Variants in TIMELESS observed in about 807,000 individuals in gnomAD.
TIMELESS encodes timeless circadian regulator.
Under a neutral mutation model 164.3 loss-of-function variants are expected in TIMELESS, and 124 were observed. The ratio of observed to expected loss-of-function variants is 0.75; its 90% CI spans 0.65 to 0.88. TIMELESS has a LOEUF of 0.88. Among genes scored for constraint, TIMELESS ranks in the 40% least tolerant of loss-of-function variants. TIMELESS has a pLI of 0.00. For missense variants in TIMELESS, 1,422 were observed against 1,491.4 expected (o/e 0.95, Z 0.77); for synonymous variants, 564 against 563.4 (o/e 1.00, Z -0.02).
chr12:56,423,490 G>A lies in TIMELESS; in HGVS notation c.2091-15C>T. On this transcript the variant is annotated splice_polypyrimidine_tract_variant and intron_variant, in intron 17 of 28. Coordinates refer to ENST00000553532, the MANE Select transcript of TIMELESS (RefSeq NM_003920.5). ...AACATGCAAAGCTGCACCAAAACAA[G>A]GAGGGAGAGGATGTCAGCATAAGGA... 1.2e-6 allele frequency: 2 copies of A among 1,613,976 alleles called. No homozygotes were observed. The highest frequency in any genetic ancestry group is 2.2e-5 in the East Asian group (1 of 44,892).
rs765671145 is a variant in TIMELESS, at chr12:56,418,131, T to C, written c.3454+3A>G. Reference sequence around the variant, plus strand: ...ACTCAGAAGATGGCTGTCGCACTATTACCCTCTGGGGATGCCAGGCCCGCT... The same window carrying C: ...ACTCAGAAGATGGCTGTCGCACTATCACCCTCTGGGGATGCCAGGCCCGCT... On this transcript the variant is annotated splice_donor_region_variant and intron_variant, in intron 27 of 28. Transcript: ENST00000553532. 6.2e-7 allele frequency: 1 copy of C among 1,614,172 alleles called. No individual in the cohort carries two copies.
intron 1 of TIMELESS, among the ~76,000 whole-genome samples, chr12:56,445,862 T>C (rs1868343717): frequency 6.6e-6 from 1 of 152,224 alleles, no homozygotes; most frequent in African/African-American, 2.4e-5. Context: ...GAGTAGCTCT[T>C]GCTTAGGTTA....
At chr12:56,431,895 T>C (rs532902604) in intron 7 of TIMELESS, among the ~76,000 whole-genome samples, 56 of 152,002 alleles carry the variant, frequency 3.7e-4, no homozygotes, top group Non-Finnish European at 6.2e-4. Context: ...AATGTATATA[T>C]GTGCTATATA....
rs1422733786 is a variant in TIMELESS at position 56,434,126 on chromosome 12, A to T, written c.45T>A (p.Ser15Arg). 2.5e-6 allele frequency: 4 copies of T among 1,614,108 alleles called. No individual in the cohort carries two copies. The highest frequency in any genetic ancestry group is 3.4e-6 in the Non-Finnish European group (4 of 1,180,056). Reference sequence around the variant, plus strand: ...TGTCTCCCTCCAAGTACCCAAGGGCACTACATGTGGCTAGAAGTTCACAGT... The same window carrying T: ...TGTCTCCCTCCAAGTACCCAAGGGCTCTACATGTGGCTAGAAGTTCACAGT... Reference protein sequence around the residue: ...MMNCELLATCSALGYLEGDTY... With the variant: ...MMNCELLATCRALGYLEGDTY... The change falls in exon 2 of 29, where the codon AGT (serine) becomes AGA (arginine). Residue 15 changes from serine to arginine, a missense_variant. Ser to Arg is a moderately radical substitution (Grantham distance 110). Transcript: ENST00000553532.
Position 56,428,763 on chromosome 12 carries a change from C to T in TIMELESS, c.1305-111G>A, listed in dbSNP as rs1486901201. The T allele has an allele frequency of 2.7e-6, 4 of 1,470,346 alleles. No homozygotes were observed. The African/African-American group carries it at 4.2e-5, about 15-fold the overall frequency. The allele number at this position is 1,470,346 out of a possible 1,614,324, so 91.1% of individuals were successfully genotyped here. On this transcript the variant is annotated intron_variant, in intron 11 of 28. Coordinates refer to ENST00000553532, the MANE Select transcript of TIMELESS (RefSeq NM_003920.5). ...AAATGTGCCACCCAAACTAAATTTCCCAGCCAGTCCTTGCTCCCCAGACTG... is the reference window on the plus strand; with the variant it reads ...AAATGTGCCACCCAAACTAAATTTCTCAGCCAGTCCTTGCTCCCCAGACTG...
intron 18 of TIMELESS, 61 bp downstream of exon 18, chr12:56,423,213 T>A: frequency 6.3e-7 from 1 of 1,581,384 alleles, no homozygotes; most frequent in East Asian, 2.2e-5. Flanking sequence ...TCCTGAAGAT[T>A]ATTTATTTAC....
chr12:56,429,529 T>TTGCGCTGTCATGATGAGGCTGGAG (rs1881799680), intron 10 of TIMELESS, among the ~76,000 whole-genome samples: 1 of 128,764 alleles, frequency 7.8e-6, no homozygotes, highest in Non-Finnish European at 1.6e-5. Context: ...TTTGACAGTC[T>TTGCGCTGTCATGATGAGGCTGGAG]TGCACTGTCA....
At chr12:56,432,221 A>AG in intron 7 of TIMELESS, 148 bp downstream of exon 7, 1 of 810,932 alleles carries the variant, frequency 1.2e-6, no homozygotes. Flanking sequence ...ACCATGAATA[A>AG]GGGGGTACTA....
chr12:56,431,748 A>G lies in TIMELESS; in HGVS notation c.688-144T>C, dbSNP rs72478991. ...TCGTTCTCCCTTATCTGAGGGGGAAATGTTCTAAGACACCCACTGGATGCC... is the reference window on the plus strand; with the variant it reads ...TCGTTCTCCCTTATCTGAGGGGGAAGTGTTCTAAGACACCCACTGGATGCC... On this transcript the variant is annotated intron_variant, in intron 7 of 28. Transcript: ENST00000553532. The G allele has an allele frequency of 1.8e-4, 178 of 989,378 alleles. 1 individual carries two copies. The African/African-American group carries it at 2.3e-3, about 13-fold the overall frequency. 61.3% of individuals were successfully genotyped at this position (989,378 alleles called of 1,614,324 possible). A position where few individuals can be genotyped will look rare whatever the true frequency, so the allele number is the denominator to read the frequency against.
At position 56,424,895 on chromosome 12, in the gene TIMELESS, C is replaced by G; in HGVS notation, c.1735G>C (p.Asp579His). ...GCCGCATCAAAGGGAACCACGGAGT[C>G]CATGCTGAGCTCAGAATTCTAGAGA... ...CCAQNSELSM[D>H]SVVPFDAASE... The change falls in exon 15 of 29, where the codon GAC (aspartate) becomes CAC (histidine). Residue 579 changes from aspartate to histidine, a missense_variant. By Grantham distance (81) the Asp-to-His change is moderately conservative. Coordinates refer to ENST00000553532, the MANE Select transcript of TIMELESS (RefSeq NM_003920.5). 1 of 1,614,228 alleles carries G rather than the reference C, an allele frequency of 6.2e-7. No homozygotes were observed. The highest frequency in any genetic ancestry group is 1.1e-5 in the South Asian group (1 of 91,084).
At chr12:56,433,295 G>A in intron 5 of TIMELESS, 86 bp downstream of exon 5, 1 of 1,498,448 alleles carries the variant, frequency 6.7e-7, no homozygotes, top group South Asian at 1.1e-5. Flanking sequence ...CCAAGGACTG[G>A]GACCATATCT....
intron 10 of TIMELESS, 75 bp from the exon 11 acceptor site, chr12:56,429,175 G>T: frequency 2.3e-6 from 3 of 1,315,542 alleles, no homozygotes; most frequent in Non-Finnish European, 2.1e-6. Context: ...GTCCTATGAT[G>T]ATGGAATGGA....
Position 56,428,898 on chromosome 12 carries a change from G to T in TIMELESS, c.1289C>A (p.Ala430Asp), listed in dbSNP as rs1372955443. ...TCCCACTCACCGGCGTGCCCAGGAGGCAGCTTCCTTGCGGTCAGTCAGCAT... is the reference window on the plus strand; with the variant it reads ...TCCCACTCACCGGCGTGCCCAGGAGTCAGCTTCCTTGCGGTCAGTCAGCAT... ...EMMLTDRKEA[A>D]SWARRMHLAL... The change falls in exon 11 of 29, where the codon GCC becomes GAC. Residue 430 changes from alanine to aspartate, a missense_variant. Physicochemically the swap from Ala to Asp is moderately radical, Grantham distance 126. Transcript: ENST00000553532. 6.2e-7 allele frequency: 1 copy of T among 1,613,782 alleles called. No homozygotes were observed. Among genetic ancestry groups the T allele is most frequent in the East Asian group, 2.2e-5 (1 of 44,884 alleles).
intron 1 of TIMELESS, among the ~76,000 whole-genome samples, chr12:56,443,053 G>A (rs60229360): frequency 0.074 from 11,187 of 152,156 alleles, 1,347 homozygotes; most frequent in African/African-American, 0.25. Context: ...TTTGTAAAAC[G>A]TGTGTTTGAA....
At chr12:56,431,076 G>T in intron 8 of TIMELESS, 108 bp from the exon 9 acceptor site, 1 of 732,802 alleles carries the variant, frequency 1.4e-6, no homozygotes, top group East Asian at 3.2e-5. Flanking sequence ...AATGTTGGTC[G>T]GGCACGGTGG....
chr12:56,428,459 G>A, intron 12 of TIMELESS, 54 bp from the exon 13 acceptor site: 1 of 1,607,376 alleles, frequency 6.2e-7, no homozygotes, highest in Non-Finnish European at 8.5e-7. Context: ...AGCTTGAAAA[G>A]GAGAGATGGA....
intron 13 of TIMELESS, among the ~76,000 whole-genome samples, chr12:56,427,206 T>A (rs567429104): frequency 6.6e-6 from 1 of 152,276 alleles, no homozygotes; most frequent in South Asian, 2.1e-4. Flanking sequence ...TACTGCAACC[T>A]CTGCCTCATG....
rs1334842202 is a variant in TIMELESS, at chr12:56,422,873, A to G, written c.2412T>C (p.Thr804=). 3 of 1,603,148 alleles carry G rather than the reference A, an allele frequency of 1.9e-6. No homozygotes were observed. Among genetic ancestry groups the G allele is most frequent in the Admixed American group, 3.4e-5 (2 of 59,582 alleles). Residue 804 remains threonine (T), a synonymous_variant, in exon 19 of 29, where the codon ACT becomes ACC. Transcript: ENST00000553532. ...WKNTAVVREM[T]EGYGSLDDRS... is the part of the protein sequence containing the mutation. The stretch of plus-strand genomic sequence containing the variant: ...TGTCATCCAGGGAGCCATAGCCCTC[A>G]GTCATCTCTCGAACCACAGCTGTGT...
intron 22 of TIMELESS, 81 bp from the exon 23 acceptor site, chr12:56,421,574 G>A (rs1881491565): frequency 1.9e-6 from 3 of 1,551,228 alleles, no homozygotes; most frequent in South Asian, 2.4e-5. Context: ...CTGGAAAGAG[G>A]GTACCTCAAT....
Sources: gnomAD v4.1 joint callset for allele counts (sites outside exome capture counted in the v4.1 genomes callset) on GRCh38, gnomAD v4.1.1 for gene constraint, MANE v1.5 for transcripts, NCBI Gene and HGNC (gene_info 2026-07-23, HGNC 2026-07-21) for gene names.